The following ALG1L2 variants were observed in gnomAD, a reference collection of about 807,000 sequenced individuals.
ALG1L2 encodes the protein putative glycosyltransferase ALG1L2.
In ALG1L2, 32 loss-of-function variants were observed where a neutral mutation model predicts 29.0. The observed-to-expected ratio is 1.10, with a 90% CI of 0.83 to 1.48. The LOEUF (loss-of-function observed/expected upper bound fraction) is 1.48. Ranked by LOEUF, ALG1L2 falls within the 40% of genes most tolerant of loss-of-function variation. The pLI is 0.00. For missense variants in ALG1L2, 318 were observed against 274.1 expected (o/e 1.16, Z -1.13); for synonymous variants, 110 against 109.5 (o/e 1.00, Z -0.03).
intron 7 of ALG1L2, 33 bp downstream of exon 7, chr3:130,097,283 AG>A (rs779663756): frequency 2.5e-6 from 4 of 1,600,310 alleles, no homozygotes; most frequent in South Asian, 2.2e-5. Flanking sequence ...CAGGGTGGAC[AG>A]GGTTCTGGAG....
Position 130,095,466 on chromosome 3 carries a change from G to A in ALG1L2, c.425-583G>A, listed in dbSNP as rs533770294. On this transcript the variant is annotated intron_variant, in intron 5 of 7. Transcript: ENST00000425059. ...TATTATTATTTTGAGACGGAGTTTC[G>A]CTCCTGTAGCACAGGCTGGAGTGCA... is the stretch of plus-strand genomic sequence containing the variant. Among the ~76,000 whole-genome samples the A allele has an allele frequency of 1.3e-4, 20 of 150,896 alleles. No homozygotes were observed. In the East Asian group the frequency reaches 2.5e-3, roughly 19 times the overall value.
intron 1 of ALG1L2, among the ~76,000 whole-genome samples, chr3:130,089,999 G>A (rs145632980): frequency 2.3e-3 from 352 of 152,300 alleles, no homozygotes; most frequent in African/African-American, 7.0e-3. Flanking sequence ...CTGAGATCAC[G>A]CCACTGCACT....
chr3:130,090,394 T>C (rs1176717261), intron 1 of ALG1L2, among the ~76,000 whole-genome samples: 3 of 152,288 alleles, frequency 2.0e-5, no homozygotes, highest in South Asian at 2.1e-4. Flanking sequence ...TGAGGAAGGA[T>C]TTAGCATGCA....
At chr3:130,094,151 G>C (rs147701379) in intron 4 of ALG1L2, 6 of 527,472 alleles carry the variant, frequency 1.1e-5, no homozygotes, top group East Asian at 1.0e-4. Flanking sequence ...TGCTTACCCC[G>C]CCTTGTTTGC....
chr3:130,089,847 C>A (rs1934974489), intron 1 of ALG1L2, among the ~76,000 whole-genome samples: 1 of 152,306 alleles, frequency 6.6e-6, no homozygotes, highest in South Asian at 2.1e-4. Context: ...TCGATACCAG[C>A]CCAGCCAACA....
intron 1 of ALG1L2, among the ~76,000 whole-genome samples, chr3:130,087,632 G>A (rs377663299): frequency 0.23 from 12,902 of 55,440 alleles, 73 homozygotes; most frequent in Non-Finnish European, 0.25. Context: ...TCTGCCACTT[G>A]GAAAATAATA....
chr3:130,097,311 G>A, intron 7 of ALG1L2, 61 bp downstream of exon 7: 1 of 1,587,852 alleles, frequency 6.3e-7, no homozygotes, highest in Non-Finnish European at 8.5e-7. Context: ...ACCGAGCCAT[G>A]CTCCCTGATC....
chr3:130,085,954 G>T (rs57087911), intron 1 of ALG1L2, among the ~76,000 whole-genome samples: 1 of 151,580 alleles, frequency 6.6e-6, no homozygotes, highest in East Asian at 1.9e-4. Context: ...CTGATAATGT[G>T]CCAAAGACAA....
Position 130,081,981 on chromosome 3 carries a change from C to T in ALG1L2, c.-36C>T, listed in dbSNP as rs566772296. 6.9e-7 allele frequency: 1 copy of T among 1,455,512 alleles called. No homozygotes were observed. Among genetic ancestry groups the T allele is most frequent in the Non-Finnish European group, 9.4e-7 (1 of 1,061,978 alleles). The allele number at this position is 1,455,512 out of a possible 1,614,324, so 90.2% of individuals were successfully genotyped here. A position where few individuals can be genotyped will look rare whatever the true frequency, so the allele number is the denominator to read the frequency against. Reference sequence around the variant, plus strand: ...ACAGAGGCTGGAGAAATAAGCAGTTCCTTGCTAAGAAGTCTGAATTTTAAC... The same window carrying T: ...ACAGAGGCTGGAGAAATAAGCAGTTTCTTGCTAAGAAGTCTGAATTTTAAC... On this transcript the variant is annotated 5_prime_UTR_variant, in exon 1 of 8. Coordinates refer to ENST00000425059, the MANE Select transcript of ALG1L2 (RefSeq NM_001136152.1).
At chr3:130,095,772 T>A (rs1044045870) in intron 5 of ALG1L2, among the ~76,000 whole-genome samples, 7 of 152,128 alleles carry the variant, frequency 4.6e-5, no homozygotes, top group African/African-American at 1.7e-4. Context: ...ATTGTGCCAC[T>A]GCACTCCAGC....
rs770105576 is a variant in ALG1L2, at chr3:130,096,183, T to G, written c.539+20T>G. 6.9e-5 allele frequency: 111 copies of G among 1,610,364 alleles called. No individual in the cohort carries two copies. The highest frequency in any genetic ancestry group is 8.6e-5 in the Non-Finnish European group (101 of 1,179,162). On this transcript the variant is annotated intron_variant, in intron 6 of 7. Transcript: ENST00000425059. Reference sequence around the variant, plus strand: ...CAAGTGGTAGGAGCAGAACCCGAATTTTTTCTGGGGATAGCTTCACAGATC... The same window carrying G: ...CAAGTGGTAGGAGCAGAACCCGAATGTTTTCTGGGGATAGCTTCACAGATC...
intron 1 of ALG1L2, among the ~76,000 whole-genome samples, chr3:130,086,900 C>T (rs527601279): frequency 6.6e-6 from 1 of 151,664 alleles, no homozygotes; most frequent in South Asian, 2.1e-4. Flanking sequence ...GAATGTTCTC[C>T]TTCCTCTTCA....
Position 130,093,102 on chromosome 3 carries a change from G to A in ALG1L2, c.255G>A (p.Glu85=). The A allele has an allele frequency of 1.2e-6, 2 of 1,600,672 alleles. No homozygotes were observed. Among genetic ancestry groups the A allele is most frequent in the East Asian group, 2.3e-5 (1 of 44,038 alleles). The change falls in exon 4 of 8, where the codon GAG becomes GAA. Residue 85 remains glutamate (E), a splice_region_variant and synonymous_variant. Transcript: ENST00000425059. ...ALLVSSTSWT[E]FEQLTLDGQN... is the part of the protein sequence containing the mutation. The stretch of plus-strand genomic sequence containing the variant: ...AATTGTTTCTTTTTTTAAACACAGA[G>A]TTTGAACAACTGACTCTTGACGGAC...
At chr3:130,088,468 A>T in intron 1 of ALG1L2, among the ~76,000 whole-genome samples, 1 of 152,294 alleles carries the variant, frequency 6.6e-6, no homozygotes. Context: ...CCCAGGCTGG[A>T]GTGCAGTGGC....
chr3:130,094,696 G>A (rs575136653), intron 5 of ALG1L2, among the ~76,000 whole-genome samples, 183 bp downstream of exon 5: 1 of 152,184 alleles, frequency 6.6e-6, no homozygotes, highest in African/African-American at 2.4e-5. Context: ...CTGCCAGGTG[G>A]CCCCAGAGGC....
chr3:130,094,719 G>A (rs6799203), intron 5 of ALG1L2, among the ~76,000 whole-genome samples: 2,106 of 152,316 alleles, frequency 0.014, 48 homozygotes, highest in African/African-American at 0.047. Context: ...TTTACCAAGG[G>A]GTTTGAGGAA....
chr3:130,095,410 TTATTA>T (rs780332073), intron 5 of ALG1L2, among the ~76,000 whole-genome samples: 10,522 of 80,812 alleles, frequency 0.13, 506 homozygotes, highest in Middle Eastern at 0.28. Flanking sequence ...GTGCTGTGGT[TTATTA>T]TTATTATTAT....
At position 130,098,282 on chromosome 3, in the gene ALG1L2, G is replaced by A. The variant is rs529608289; in HGVS notation, c.*27G>A. The stretch of plus-strand genomic sequence containing the variant: ...CCTGAAGGCAAGCTAAACCAGTTCC[G>A]GAAGAACCTGCGGGAGTCGCAGCAG... On this transcript the variant is annotated 3_prime_UTR_variant, in exon 8 of 8. Coordinates refer to ENST00000425059, the MANE Select transcript of ALG1L2 (RefSeq NM_001136152.1). The A allele has an allele frequency of 6.1e-5, 98 of 1,596,416 alleles. No homozygotes were observed. Among genetic ancestry groups the A allele is most frequent in the South Asian group, 3.2e-4 (29 of 90,986 alleles).
chr3:130,090,268 A>T (rs1357507932), intron 1 of ALG1L2, among the ~76,000 whole-genome samples: 4 of 152,292 alleles, frequency 2.6e-5, no homozygotes, highest in Non-Finnish European at 5.9e-5. Context: ...AGGCAGGAGA[A>T]TCACTTGAAC....
Sources: allele counts gnomAD v4.1 joint callset (sites outside exome capture counted in the v4.1 genomes callset), GRCh38; gene constraint gnomAD v4.1.1; transcripts MANE v1.5; gene names NCBI Gene and HGNC (gene_info 2026-07-23, HGNC 2026-07-21).